The following FAAH2 variants were observed in gnomAD, a reference collection of about 807,000 sequenced individuals.
The protein encoded by FAAH2 is fatty-acid amide hydrolase 2.
A neutral mutation model predicts 36.9 loss-of-function variants in FAAH2; 60 were observed. That is an observed-to-expected ratio of 1.63 (90% CI 1.32 to 2.02). The LOEUF is 2.02. FAAH2 is among the 30% of genes most tolerant of loss of function. The probability of loss-of-function intolerance (pLI) is 0.00; values close to 1 mark genes in which losing one functional copy is unlikely to be tolerated. For missense variants in FAAH2, 689 were observed against 397.5 expected (o/e 1.73, Z -6.23); for synonymous variants, 214 against 143.8 (o/e 1.49, Z -3.49).
At chrX:57,194,771 G>A in the FAAH2 span, among the ~76,000 whole-genome samples, 1 of 110,486 alleles carries the variant, frequency 9.1e-6, no homozygotes, top group Non-Finnish European at 1.9e-5. Flanking sequence ...AAAGTCTATT[G>A]TGTCATTCTT....
chrX:57,375,647 T>G (rs143630078), intron 5 of FAAH2, among the ~76,000 whole-genome samples: 3 of 111,131 alleles, frequency 2.7e-5, no homozygotes, highest in Non-Finnish European at 5.7e-5. Context: ...TGTAATATCA[T>G]AGACAATGGT....
intron 8 of FAAH2, among the ~76,000 whole-genome samples, chrX:57,445,309 A>G (rs1417785452): frequency 9.0e-6 from 1 of 111,451 alleles, no homozygotes; most frequent in African/African-American, 3.3e-5. Flanking sequence ...GTCACCAGGT[A>G]AAGTAAGTCA....
At chrX:57,346,756 C>T (rs1001150758) in intron 5 of FAAH2, among the ~76,000 whole-genome samples, 1 of 111,427 alleles carries the variant, frequency 9.0e-6, no homozygotes, top group Non-Finnish European at 1.9e-5. Flanking sequence ...CCTTAAGGAC[C>T]CCTTTTAAGG....
intron 5 of FAAH2, among the ~76,000 whole-genome samples, chrX:57,374,027 G>A (rs914186904): frequency 9.0e-6 from 1 of 111,419 alleles, no homozygotes; most frequent in Non-Finnish European, 1.9e-5. Flanking sequence ...TCTGTTGGCT[G>A]TAAATATTTG....
chrX:57,383,863 C>A (rs1460005712), intron 7 of FAAH2, among the ~76,000 whole-genome samples: 1 of 111,695 alleles, frequency 9.0e-6, no homozygotes, highest in African/African-American at 3.3e-5. Flanking sequence ...CCCACATTGC[C>A]AAGTCAATCC....
At chrX:57,137,372 A>T in the FAAH2 span, 346 of 753,518 alleles carry the variant, frequency 4.6e-4, 1 homozygote, top group African/African-American at 7.1e-3. Flanking sequence ...GAGCGTGTGT[A>T]GGAGCGCGGC....
At chrX:57,400,396 T>G (rs2055402888) in intron 7 of FAAH2, among the ~76,000 whole-genome samples, 1 of 112,312 alleles carries the variant, frequency 8.9e-6, no homozygotes, top group Admixed American at 9.4e-5. Flanking sequence ...CCCTCGGACC[T>G]GTGTAAGGAC....
intron 3 of FAAH2, among the ~76,000 whole-genome samples, chrX:57,325,553 C>T (rs780771368): frequency 2.7e-5 from 3 of 109,213 alleles, no homozygotes; most frequent in African/African-American, 3.3e-5. Context: ...GAACTTCTTC[C>T]TGGTTTAGTC....
At chrX:57,466,346 A>T (rs2057050608) in intron 10 of FAAH2, among the ~76,000 whole-genome samples, 1 of 106,825 alleles carries the variant, frequency 9.4e-6, no homozygotes, top group Admixed American at 1.0e-4. Context: ...ATACCTCAAA[A>T]TATAGCCTAA....
intron 8 of FAAH2, among the ~76,000 whole-genome samples, chrX:57,442,201 G>C (rs147146874): frequency 0.37 from 40,742 of 109,647 alleles, 6,453 homozygotes; most frequent in Middle Eastern, 0.63. Flanking sequence ...CTAATGTTGA[G>C]AGTGGGGTGT....
intron 5 of FAAH2, among the ~76,000 whole-genome samples, chrX:57,361,639 C>G (rs1228856710): frequency 9.0e-6 from 1 of 110,868 alleles, no homozygotes; most frequent in Admixed American, 9.6e-5. Context: ...TAATTGAGGT[C>G]AAAGAAGATA....
the FAAH2 span, among the ~76,000 whole-genome samples, chrX:57,253,534 C>T: frequency 0.022 from 2,423 of 111,621 alleles, 58 homozygotes; most frequent in African/African-American, 0.075. Flanking sequence ...GTCAGGTTAC[C>T]CGCAAAAGGA....
At chrX:57,169,302 C>T in the FAAH2 span, among the ~76,000 whole-genome samples, 4 of 103,455 alleles carry the variant, frequency 3.9e-5, no homozygotes, top group Admixed American at 2.2e-4. Flanking sequence ...CAGTTTAGTT[C>T]ATATTGCTGT....
the FAAH2 span, among the ~76,000 whole-genome samples, chrX:57,280,971 A>G: frequency 8.9e-6 from 1 of 112,076 alleles, no homozygotes; most frequent in African/African-American, 3.2e-5. Context: ...ACAAACCCCA[A>G]TTGGTTACAA....
the FAAH2 span, among the ~76,000 whole-genome samples, chrX:57,177,025 C>T: frequency 2.7e-5 from 3 of 110,857 alleles, no homozygotes; most frequent in Non-Finnish European, 5.7e-5. Context: ...AAAAAAAAAT[C>T]CCCAGTATTT....
chrX:57,175,682 C>T, the FAAH2 span, among the ~76,000 whole-genome samples: 2 of 111,437 alleles, frequency 1.8e-5, no homozygotes, highest in Non-Finnish European at 3.8e-5. Context: ...TTTATATTTA[C>T]AAGAGGTTCT....
chrX:57,212,437 A>C, the FAAH2 span, among the ~76,000 whole-genome samples: 2 of 112,486 alleles, frequency 1.8e-5, no homozygotes, highest in African/African-American at 3.2e-5. Flanking sequence ...AACAGGATAC[A>C]GGTGAAATCT....
chrX:57,473,570 T>C (rs2057208582), intron 10 of FAAH2, among the ~76,000 whole-genome samples: 1 of 111,510 alleles, frequency 9.0e-6, no homozygotes, highest in Non-Finnish European at 1.9e-5. Context: ...TTAAATCTTG[T>C]TGATTTTCTG....
At chrX:57,433,754 C>A (rs1385758652) in intron 8 of FAAH2, among the ~76,000 whole-genome samples, 3 of 112,414 alleles carry the variant, frequency 2.7e-5, no homozygotes, top group Admixed American at 1.9e-4. Flanking sequence ...ACTTCTCTTG[C>A]AGTTTCTTGT....
Sources: allele counts gnomAD v4.1 joint callset (sites outside exome capture counted in the v4.1 genomes callset), GRCh38; gene constraint gnomAD v4.1.1; transcripts MANE v1.5; gene names NCBI Gene and HGNC (gene_info 2026-07-23, HGNC 2026-07-21).